Variants in CTNNBIP1 observed in about 807,000 individuals in gnomAD.
The protein encoded by CTNNBIP1 is beta-catenin-interacting protein 1.
A neutral mutation model predicts 11.8 loss-of-function variants in CTNNBIP1; 7 were observed. The observed-to-expected ratio is 0.60, with a 90% CI of 0.34 to 1.12. CTNNBIP1 has a LOEUF of 1.12. CTNNBIP1 is among the 50% of genes most tolerant of loss of function. The pLI, the probability that CTNNBIP1 is intolerant of heterozygous loss-of-function variation, is 0.03. For synonymous variants in CTNNBIP1, 58 were observed against 43.9 expected, an observed-to-expected ratio of 1.32 and a Z score of -1.26; for missense variants, 101 against 113.4, an observed-to-expected ratio of 0.89 and a Z score of 0.50.
Position 9,851,474 on chromosome 1 carries a change from G to A in CTNNBIP1, c.188-698C>T, listed in dbSNP as rs984714344. ...CATCCTCTGCCTCCCGGGTTCAAGC[G>A]ATCCTCCTGCCTCAGCCTCCTGAGT... is the stretch of plus-strand genomic sequence containing the variant. On this transcript the variant is annotated intron_variant, in intron 5 of 5. Transcript: ENST00000377263. The surrounding 1 kb of genome is among the most constrained non-coding windows in gnomAD (Gnocchi z 4.8). Among the ~76,000 whole-genome samples, 7 of 151,946 alleles carry A rather than the reference G, an allele frequency of 4.6e-5. No homozygotes were observed. The highest frequency in any genetic ancestry group is 2.1e-4 in the South Asian group (1 of 4,812).
chr1:9,852,913 C>G (rs1638422058), intron 5 of CTNNBIP1, among the ~76,000 whole-genome samples: 1 of 152,182 alleles, frequency 6.6e-6, no homozygotes, highest in African/African-American at 2.4e-5. Context: ...CTCAGAGGAG[C>G]CCAGACCTGG....
intron 2 of CTNNBIP1, among the ~76,000 whole-genome samples, chr1:9,882,892 T>C (rs1377163831): frequency 6.6e-6 from 1 of 152,080 alleles, no homozygotes; most frequent in African/African-American, 2.4e-5. Flanking sequence ...CGGTGAACAT[T>C]TGCAGAGGGT....
intron 1 of CTNNBIP1, among the ~76,000 whole-genome samples, chr1:9,906,463 C>A (rs1639622412): frequency 6.6e-6 from 1 of 152,044 alleles, no homozygotes; most frequent in African/African-American, 2.4e-5. Flanking sequence ...GAGGCTGAGG[C>A]AGGAGAATCG....
chr1:9,901,213 C>T (rs1440243866), intron 1 of CTNNBIP1, among the ~76,000 whole-genome samples: 1 of 152,170 alleles, frequency 6.6e-6, no homozygotes, highest in Non-Finnish European at 1.5e-5. Context: ...ATTCCTGCAG[C>T]AGAAGGATAT....
chr1:9,898,514 C>A (rs1187378617), intron 1 of CTNNBIP1, among the ~76,000 whole-genome samples: 1 of 151,706 alleles, frequency 6.6e-6, no homozygotes, highest in Admixed American at 6.6e-5. Flanking sequence ...CACAGCGAGA[C>A]TGTGTCTCAA....
At position 9,883,339 on chromosome 1, in the gene CTNNBIP1, G is replaced by C. The variant is rs945419952; in HGVS notation, c.-110+366C>G. On this transcript the variant is annotated intron_variant, in intron 2 of 5. Coordinates refer to ENST00000377263, the MANE Select transcript of CTNNBIP1 (RefSeq NM_020248.3). This position sits in a 1 kb window ranked among gnomAD's most constrained non-coding sequence, Gnocchi z 5.6. The stretch of plus-strand genomic sequence containing the variant: ...CCTCACGAGGCCCAGGTGCAGGGCA[G>C]AGAGGGAGCAAGAACAGTGAGAGCT... Among the ~76,000 whole-genome samples the C allele has an allele frequency of 2.6e-5, 4 of 152,192 alleles. No homozygotes were observed. The highest frequency in any genetic ancestry group is 5.9e-5 in the Non-Finnish European group (4 of 68,022).
At chr1:9,887,566 G>A (rs965756710) in intron 1 of CTNNBIP1, among the ~76,000 whole-genome samples, 1 of 151,996 alleles carries the variant, frequency 6.6e-6, no homozygotes, top group African/African-American at 2.4e-5. Context: ...AGCTGGGCAT[G>A]GTGGCACACG....
chr1:9,853,145 G>A (rs1027860870), intron 5 of CTNNBIP1, among the ~76,000 whole-genome samples: 2 of 152,208 alleles, frequency 1.3e-5, no homozygotes, highest in Admixed American at 1.3e-4. Context: ...TGCTGCTGGA[G>A]CCCTGCAGAG....
chr1:9,879,377 G>T (rs1260903777), intron 2 of CTNNBIP1, among the ~76,000 whole-genome samples: 1 of 152,150 alleles, frequency 6.6e-6, no homozygotes, highest in Non-Finnish European at 1.5e-5. Flanking sequence ...AATGAATTCT[G>T]AAAAGAAAGT....
chr1:9,871,087 C>T lies in CTNNBIP1; in HGVS notation c.187+100G>A. On this transcript the variant is annotated intron_variant, in intron 5 of 5. Transcript: ENST00000377263. This position sits in a 1 kb window ranked among gnomAD's most constrained non-coding sequence, Gnocchi z 5.2. ...CTAGTCAGCCCTGGGTCTCATGGAT[C>T]ACCCATCAAAGAGGGCTGGAGCTAC... 1 of 847,578 alleles carries T rather than the reference C, an allele frequency of 1.2e-6. No individual in the cohort carries two copies. Among genetic ancestry groups the T allele is most frequent in the Non-Finnish European group, 1.8e-6 (1 of 543,408 alleles). The allele number at this position is 847,578 out of a possible 1,614,324, so 52.5% of individuals were successfully genotyped here. A position where few individuals can be genotyped will look rare whatever the true frequency, so the allele number is the denominator to read the frequency against.
intron 1 of CTNNBIP1, among the ~76,000 whole-genome samples, chr1:9,908,679 A>G (rs1639670718): frequency 6.6e-6 from 1 of 152,170 alleles, no homozygotes; most frequent in African/African-American, 2.4e-5. Flanking sequence ...CTTATATGTA[A>G]TCTGGCCCCT....
intron 5 of CTNNBIP1, among the ~76,000 whole-genome samples, chr1:9,865,011 G>A (rs577619260): frequency 3.8e-4 from 58 of 152,140 alleles, no homozygotes; most frequent in African/African-American, 1.3e-3. Context: ...GGCAGATCAC[G>A]TGAGGTCAGG....
chr1:9,872,182 G>A lies in CTNNBIP1; in HGVS notation c.-24-94C>T. On this transcript the variant is annotated intron_variant, in intron 3 of 5. Transcript: ENST00000377263. This position sits in a 1 kb window ranked among gnomAD's most constrained non-coding sequence, Gnocchi z 4.0. ...CTAGTGACCCTCACTCCTCCCAGGA[G>A]CCGCTTTCCACCCACAGTCTCCCTT... The A allele has an allele frequency of 1.3e-6, 1 of 769,842 alleles. No homozygotes were observed. Among genetic ancestry groups the A allele is most frequent in the Non-Finnish European group, 2.2e-6 (1 of 456,522 alleles). 47.7% of individuals were successfully genotyped at this position (769,842 alleles called of 1,614,324 possible).
At position 9,857,147 on chromosome 1, in the gene CTNNBIP1, A is replaced by C. The variant is rs566986604; in HGVS notation, c.188-6371T>G. 1.4e-4 allele frequency among the ~76,000 whole-genome samples: 21 copies of C among 151,160 alleles called. 1 individual carries two copies. In the East Asian group the frequency reaches 3.6e-3, roughly 26 times the overall value. On this transcript the variant is annotated intron_variant, in intron 5 of 5. Coordinates refer to ENST00000377263, the MANE Select transcript of CTNNBIP1 (RefSeq NM_020248.3). Reference sequence around the variant, plus strand: ...AAAAACAAAACAAAACAAAACAAAAAAAACCCTCAATAATAAAAAAGTGGA... The same window carrying C: ...AAAAACAAAACAAAACAAAACAAAACAAACCCTCAATAATAAAAAAGTGGA...
intron 1 of CTNNBIP1, among the ~76,000 whole-genome samples, chr1:9,902,038 C>T (rs553075212): frequency 3.3e-4 from 50 of 152,330 alleles, no homozygotes; most frequent in African/African-American, 1.1e-3. Context: ...CTAGACCTCC[C>T]TGACCTTGGT....
intron 1 of CTNNBIP1, among the ~76,000 whole-genome samples, chr1:9,898,126 A>AT (rs1639447364): frequency 6.6e-6 from 1 of 151,696 alleles, no homozygotes; most frequent in Admixed American, 6.6e-5. Flanking sequence ...GCAAAAAAAA[A>AT]AAATAAATAA....
rs1639705080 is a variant in CTNNBIP1, at chr1:9,910,080, G to T, written c.-144+15C>A. 1 of 146,948 alleles carries T rather than the reference G, an allele frequency of 6.8e-6. No homozygotes were observed. The highest frequency in any genetic ancestry group is 1.5e-5 in the Non-Finnish European group (1 of 66,092). 9.1% of individuals were successfully genotyped at this position (146,948 alleles called of 1,614,324 possible). On this transcript the variant is annotated intron_variant, in intron 1 of 5. Transcript: ENST00000377263. ...GGCCCGGGCGGTGCAGGCGCGGCCC[G>T]GCCTCGGCGCTTACCTGGGCCGCCC...
chr1:9,877,393 A>G (rs1376423228), intron 3 of CTNNBIP1, among the ~76,000 whole-genome samples: 9 of 152,146 alleles, frequency 5.9e-5, no homozygotes, highest in Admixed American at 5.9e-4. Context: ...TTGAACATCC[A>G]CATTTATCTA....
chr1:9,874,547 G>T (rs1210750769), intron 3 of CTNNBIP1, among the ~76,000 whole-genome samples: 2 of 152,206 alleles, frequency 1.3e-5, no homozygotes, highest in East Asian at 3.8e-4. Flanking sequence ...GAGCCACCAT[G>T]CCCGCCTGTC....
Sources: gnomAD v4.1 joint callset for allele counts (sites outside exome capture counted in the v4.1 genomes callset) on GRCh38, gnomAD v4.1.1 for gene constraint, Gnocchi (gnomAD v3.1) non-coding constraint, MANE v1.5 for transcripts, NCBI Gene and HGNC (gene_info 2026-07-23, HGNC 2026-07-21) for gene names.